NLRP11: variants seen among roughly 807,000 people sequenced by gnomAD.
NLRP11 encodes NLR family pyrin domain containing 11.
A neutral mutation model predicts 79.3 loss-of-function variants in NLRP11; 53 were observed. The observed-to-expected ratio is 0.67, with a 90% confidence interval of 0.54 to 0.84. The LOEUF (loss-of-function observed/expected upper bound fraction) is 0.84. NLRP11 is among the 40% of genes least tolerant of loss of function. NLRP11 has a pLI of 0.00. For missense variants in NLRP11, 1,264 were observed against 1,255.0 expected (o/e 1.01, Z -0.11); for synonymous variants, 518 against 462.6 (o/e 1.12, Z -1.54).
chr19:55,835,076 G>A (rs1983119249), upstream of NLRP11, among the ~76,000 whole-genome samples: 1 of 152,098 alleles, frequency 6.6e-6, no homozygotes, highest in Admixed American at 6.5e-5. Flanking sequence ...CTAGGTTCTG[G>A]ACCACAGAGA....
rs1170571932 is a variant in NLRP11 at position 55,827,157 on chromosome 19, A to G, written c.-63+4806T>C. 2.2e-5 allele frequency among the ~76,000 whole-genome samples: 3 copies of G among 137,632 alleles called. No individual in the cohort carries two copies. In the East Asian group the frequency reaches 7.0e-4, roughly 32 times the overall value. 90.3% of individuals were successfully genotyped at this position (137,632 alleles called of 152,430 possible). On this transcript the variant is annotated intron_variant, in intron 1 of 9. Coordinates refer to ENST00000589093, the Ensembl canonical transcript of NLRP11. Reference sequence around the variant, plus strand: ...TTTGACAAACCTGAGAAAAACAAGCAATGGGGAAAGGATTCCCTATTTAAT... The same window carrying G: ...TTTGACAAACCTGAGAAAAACAAGCGATGGGGAAAGGATTCCCTATTTAAT...
At chr19:55,817,440 G>A (rs949446131) in intron 2 of NLRP11, among the ~76,000 whole-genome samples, 2 of 142,304 alleles carry the variant, frequency 1.4e-5, no homozygotes, top group African/African-American at 5.7e-5. Flanking sequence ...CAATCAACAA[G>A]TGGATAAAGA....
rs1285163365 is a variant in NLRP11, at chr19:55,789,051, G to A, written c.2685-74C>T. ...ATGGCAGATGAGATGGGTGAGAACT[G>A]GACATCTACTAGATCCCTCCAAGTT... On this transcript the variant is annotated intron_variant, in intron 8 of 9. Transcript: ENST00000589093. 7 of 1,528,820 alleles carry A rather than the reference G, an allele frequency of 4.6e-6. No individual in the cohort carries two copies. In the Admixed American group the frequency reaches 1.0e-4, roughly 23 times the overall value. The allele number at this position is 1,528,820 out of a possible 1,614,324, so 94.7% of individuals were successfully genotyped here.
At chr19:55,801,677 C>T (rs367712953) in exon 5 of NLRP11, 21 of 1,613,502 alleles carry the variant, frequency 1.3e-5, no homozygotes, top group East Asian at 2.2e-5. Flanking sequence ...TGTCAGGCTC[C>T]GATTACGAGC....
At chr19:55,829,105 G>A (rs1222960204) in intron 1 of NLRP11, among the ~76,000 whole-genome samples, 1 of 152,024 alleles carries the variant, frequency 6.6e-6, no homozygotes, top group Non-Finnish European at 1.5e-5. Flanking sequence ...GTCAGATGAG[G>A]GTATGAAATG....
exon 2 of NLRP11, chr19:55,818,010 C>T (rs1422188052): frequency 5.6e-6 from 9 of 1,613,540 alleles, no homozygotes; most frequent in Non-Finnish European, 7.6e-6. Flanking sequence ...AGATTGGCAA[C>T]ACGTTAGCCA....
At chr19:55,835,168 A>G (rs939269901), upstream of NLRP11, among the ~76,000 whole-genome samples, 1 of 152,202 alleles carries the variant, frequency 6.6e-6, no homozygotes, top group Non-Finnish European at 1.5e-5. Context: ...CAAAACCAGG[A>G]TCATCACCAT....
In NLRP11 at chr19:55,809,723, G is replaced by A. The variant is rs769700245; in HGVS notation, c.887C>T (p.Thr296Met). ...CTTCCCATTCGACAGCTGCAAGGTC[G>A]TGCAGCAATCTACCTCTTTCAAGAA... Residue 296 changes from threonine (T) to methionine (M), a missense_variant, in exon 3 of 10, where the codon ACG becomes ATG. Coordinates refer to ENST00000589093, the Ensembl canonical transcript of NLRP11. The surrounding 1 kb of genome is among the most constrained non-coding windows in gnomAD (Gnocchi z 4.5). The A allele has an allele frequency of 4.3e-6, 7 of 1,614,128 alleles. No individual in the cohort carries two copies. The highest frequency in any genetic ancestry group is 1.1e-5 in the South Asian group (1 of 91,060).
chr19:55,810,226 C>T lies in NLRP11; in HGVS notation c.384G>A (p.Val128=), dbSNP rs776386726. Residue 128 remains valine (V), a synonymous_variant, in exon 3 of 10, where the codon GTG becomes GTA. Transcript: ENST00000589093. ...CATAGGCTAATTGAAGTATGTAGAA[C>T]ACATCTGACGAAACGTCACGAAAAA... 1.9e-6 allele frequency: 3 copies of T among 1,614,086 alleles called. No homozygotes were observed. In the South Asian group the frequency reaches 3.3e-5, roughly 18 times the overall value.
At position 55,794,283 on chromosome 19, in the gene NLRP11, A is replaced by G. The variant is rs568995575; in HGVS notation, c.2342+1797T>C. Among the ~76,000 whole-genome samples the G allele has an allele frequency of 7.2e-5, 11 of 152,336 alleles. No individual in the cohort carries two copies. In the East Asian group the frequency reaches 2.1e-3, roughly 29 times the overall value. On this transcript the variant is annotated intron_variant, in intron 6 of 9. Coordinates refer to ENST00000589093, the Ensembl canonical transcript of NLRP11. ...CCAGTGGGAAAAGAAAAAAAGAAAA[A>G]ATCTAGCAGGAAACAAAAAACTTGT...
chr19:55,792,327 A>G, exon 7 of NLRP11: 1 of 1,614,196 alleles, frequency 6.2e-7, no homozygotes. Flanking sequence ...GACAGGTTGG[A>G]AACAGCAAGG....
chr19:55,821,203 T>TCACACACACACACACA (rs1211992513), intron 1 of NLRP11, among the ~76,000 whole-genome samples: 1 of 113,202 alleles, frequency 8.8e-6, no homozygotes, highest in Admixed American at 8.8e-5. Flanking sequence ...TCTCTCTCTC[T>TCACACACACACACACA]CTCACACACA....
At chr19:55,801,259 G>C in intron 5 of NLRP11, 1 of 225,484 alleles carries the variant, frequency 4.4e-6, no homozygotes, top group South Asian at 1.5e-4. Context: ...TTTGTGGCTT[G>C]AATAATTTCC....
chr19:55,811,169 G>C (rs1435985939), intron 2 of NLRP11, among the ~76,000 whole-genome samples: 1 of 152,008 alleles, frequency 6.6e-6, no homozygotes, highest in Non-Finnish European at 1.5e-5. Flanking sequence ...AACTACTTAA[G>C]ATAAATGAAA....
chr19:55,804,573 G>C (rs937396112), intron 4 of NLRP11, among the ~76,000 whole-genome samples: 1 of 152,052 alleles, frequency 6.6e-6, no homozygotes, highest in African/African-American at 2.4e-5. Flanking sequence ...TCATGGACCT[G>C]AAGAGGAGAA....
chr19:55,797,417 T>C (rs1979031940), intron 5 of NLRP11, among the ~76,000 whole-genome samples: 1 of 152,248 alleles, frequency 6.6e-6, no homozygotes, highest in African/African-American at 2.4e-5. Context: ...TCAATGAGGA[T>C]TTTGAATAAT....
exon 2 of NLRP11, chr19:55,818,100 A>G (rs1482418179): frequency 1.7e-5 from 27 of 1,613,878 alleles, no homozygotes; most frequent in Non-Finnish European, 2.1e-5. Context: ...ACTTCTTAAA[A>G]CTCTGAAATT....
intron 1 of NLRP11, among the ~76,000 whole-genome samples, chr19:55,820,100 C>A (rs1478939670): frequency 6.6e-6 from 1 of 152,148 alleles, no homozygotes; most frequent in Non-Finnish European, 1.5e-5. Context: ...AGAACTATGA[C>A]ACCCTCTTCC....
At chr19:55,790,345 C>T (rs1172500160) in intron 7 of NLRP11, among the ~76,000 whole-genome samples, 2 of 152,174 alleles carry the variant, frequency 1.3e-5, no homozygotes, top group Admixed American at 1.3e-4. Context: ...CACTGCAGCA[C>T]AAATGCATGC....
Sources: gnomAD v4.1 joint callset for allele counts (sites outside exome capture counted in the v4.1 genomes callset) on GRCh38, gnomAD v4.1.1 for gene constraint, Gnocchi (gnomAD v3.1) non-coding constraint, MANE v1.5 for transcripts, NCBI Gene and HGNC (gene_info 2026-07-23, HGNC 2026-07-21) for gene names.